The following GRK3 variants were observed in gnomAD, a reference collection of about 807,000 sequenced individuals.
GRK3 encodes G protein-coupled receptor kinase 3.
A neutral mutation model predicts 95.7 loss-of-function variants in GRK3; 54 were observed. The ratio of observed to expected loss-of-function variants is 0.56; its 90% CI spans 0.45 to 0.71. GRK3 has a LOEUF of 0.71. GRK3 is among the 30% of genes least tolerant of loss of function. The pLI is 0.00. For missense variants in GRK3, 649 were observed against 851.2 expected (o/e 0.76, Z 2.96); for synonymous variants, 281 against 290.8 (o/e 0.97, Z 0.34).
At position 25,585,842 on chromosome 22, in the gene GRK3, T is replaced by C. The variant is rs1381984186; in HGVS notation, c.114-18535T>C. Among the ~76,000 whole-genome samples, 3 of 152,260 alleles carry C rather than the reference T, an allele frequency of 2.0e-5. No homozygotes were observed. The East Asian group carries it at 5.8e-4, about 29-fold the overall frequency. ...TCAAGGGTGTAGAATCTGAAAAAAG[T>C]TAAGGTTAAATAGGAATATCATTTC... On this transcript the variant is annotated intron_variant, in intron 1 of 20. Transcript: ENST00000324198.
intron 13 of GRK3, among the ~76,000 whole-genome samples, chr22:25,700,568 A>G (rs1477737030): frequency 6.6e-6 from 1 of 152,172 alleles, no homozygotes; most frequent in African/African-American, 2.4e-5. Flanking sequence ...CATTTAATAT[A>G]ACATGCCATC....
intron 1 of GRK3, among the ~76,000 whole-genome samples, chr22:25,592,216 C>T (rs570678949): frequency 3.9e-5 from 6 of 152,294 alleles, no homozygotes; most frequent in South Asian, 2.1e-4. Context: ...GATTTTAATT[C>T]GCCTTTTCCT....
intron 2 of GRK3, among the ~76,000 whole-genome samples, chr22:25,613,747 G>C (rs891514831): frequency 1.3e-5 from 2 of 152,226 alleles, no homozygotes; most frequent in African/African-American, 4.8e-5. Context: ...CTGGGCATCA[G>C]CTCCTGGTGC....
At chr22:25,583,926 A>C (rs1276727672) in intron 1 of GRK3, among the ~76,000 whole-genome samples, 1 of 152,244 alleles carries the variant, frequency 6.6e-6, no homozygotes, top group Non-Finnish European at 1.5e-5. Flanking sequence ...CAGATTTGGC[A>C]CTATAGCTTT....
chr22:25,710,444 AT>A (rs2085335317), intron 16 of GRK3, among the ~76,000 whole-genome samples: 1 of 152,222 alleles, frequency 6.6e-6, no homozygotes, highest in Non-Finnish European at 1.5e-5. Context: ...ATGATTTTAT[AT>A]CAGCATGATT....
At chr22:25,668,026 A>C (rs2084953962) in intron 6 of GRK3, among the ~76,000 whole-genome samples, 1 of 152,210 alleles carries the variant, frequency 6.6e-6, no homozygotes, top group African/African-American at 2.4e-5. Context: ...TCTCAGCTTC[A>C]ATAGAGTCTA....
At chr22:25,647,894 T>A in intron 3 of GRK3, 2 of 597,946 alleles carry the variant, frequency 3.3e-6, no homozygotes, top group East Asian at 3.4e-5. Context: ...GCGGATCACC[T>A]GAGGTCAGGA....
At chr22:25,682,164 G>T (rs1184789678) in intron 9 of GRK3, among the ~76,000 whole-genome samples, 1 of 152,204 alleles carries the variant, frequency 6.6e-6, no homozygotes, top group Non-Finnish European at 1.5e-5. Context: ...ATTTGGTAAT[G>T]ACTAGACAGT....
At chr22:25,719,189 G>A (rs989034360) in intron 19 of GRK3, among the ~76,000 whole-genome samples, 1 of 149,414 alleles carries the variant, frequency 6.7e-6, no homozygotes, top group Non-Finnish European at 1.5e-5. Context: ...CTGAGGTCAA[G>A]TGCTGTTAAA....
chr22:25,646,452 A>G (rs1157833839), intron 3 of GRK3, among the ~76,000 whole-genome samples: 1 of 152,188 alleles, frequency 6.6e-6, no homozygotes, highest in Non-Finnish European at 1.5e-5. Context: ...AAGGGAGAGA[A>G]TAGGGCAAAA....
At position 25,564,923 on chromosome 22, in the gene GRK3, A is replaced by AG. The variant is rs529474941; in HGVS notation, c.-110dup. ...GCGCGCGCGGGGCGGGGGCGCGCGGAGGGGGGGGCTGCCCCGGGGCGGCCC... is the reference window on the plus strand; with the variant it reads ...GCGCGCGCGGGGCGGGGGCGCGCGGAGGGGGGGGGCTGCCCCGGGGCGGCCC... On this transcript the variant is annotated 5_prime_UTR_variant, in exon 1 of 21. Coordinates refer to ENST00000324198, the MANE Select transcript of GRK3 (RefSeq NM_005160.4). 1.7e-3 allele frequency: 240 copies of AG among 139,490 alleles called. 1 individual carries two copies. The highest frequency in any genetic ancestry group is 0.011 in the Middle Eastern group (3 of 262). 8.6% of individuals were successfully genotyped at this position (139,490 alleles called of 1,614,324 possible).
Position 25,703,683 on chromosome 22 carries a change from TTATG to T in GRK3, c.1227+111_1227+114del, listed in dbSNP as rs1266474688. On this transcript the variant is annotated intron_variant, in intron 14 of 20. Coordinates refer to ENST00000324198, the MANE Select transcript of GRK3 (RefSeq NM_005160.4). ...ATAAAATGTTATAGGAAATATAAAATTATGTATAGACATAATAAAAATTTGCTTT... is the reference window on the plus strand; with the variant it reads ...ATAAAATGTTATAGGAAATATAAAATTATAGACATAATAAAAATTTGCTTT... 3.6e-6 allele frequency: 3 copies of T among 830,988 alleles called. No individual in the cohort carries two copies. In the African/African-American group the frequency reaches 5.2e-5, roughly 14 times the overall value. The allele number at this position is 830,988 out of a possible 1,614,324, so 51.5% of individuals were successfully genotyped here.
At chr22:25,599,126 A>C (rs2084391403) in intron 1 of GRK3, among the ~76,000 whole-genome samples, 1 of 152,232 alleles carries the variant, frequency 6.6e-6, no homozygotes, top group African/African-American at 2.4e-5. Flanking sequence ...CTTCTGGAAG[A>C]AAGCATAAGA....
At chr22:25,569,391 C>T (rs74435389) in intron 1 of GRK3, among the ~76,000 whole-genome samples, 471 of 150,744 alleles carry the variant, frequency 3.1e-3, no homozygotes, top group African/African-American at 0.011. Flanking sequence ...ATGGATGTTC[C>T]GGTGAAATCA....
At chr22:25,681,350 G>T (rs1288094353) in intron 9 of GRK3, among the ~76,000 whole-genome samples, 1 of 152,190 alleles carries the variant, frequency 6.6e-6, no homozygotes, top group Non-Finnish European at 1.5e-5. Context: ...GGCACACAGT[G>T]CTCGGAAGGC....
At chr22:25,631,171 A>G (rs904997552) in intron 2 of GRK3, among the ~76,000 whole-genome samples, 1 of 152,206 alleles carries the variant, frequency 6.6e-6, no homozygotes, top group Non-Finnish European at 1.5e-5. Context: ...CAGGTTTTAT[A>G]GCTATATGCT....
chr22:25,592,181 T>C (rs977129689), intron 1 of GRK3, among the ~76,000 whole-genome samples: 3 of 152,236 alleles, frequency 2.0e-5, no homozygotes, highest in African/African-American at 4.8e-5. Flanking sequence ...GCCACTCTAA[T>C]AGGTATGTAG....
rs1338688970 is a variant in GRK3, at chr22:25,661,671, T to A, written c.360T>A (p.Cys120Ter). The A allele has an allele frequency of 6.3e-7, 1 of 1,598,926 alleles. No individual in the cohort carries two copies. Among genetic ancestry groups the A allele is most frequent in the Non-Finnish European group, 8.6e-7 (1 of 1,167,312 alleles). ...DAYIMKELLS[C>*]SHPFSKQAVE... Reference sequence around the variant, plus strand: ...ACATCATGAAGGAACTTCTTTCCTGTTCACATGTAAGTATTTCTTCTTACT... The same window carrying A: ...ACATCATGAAGGAACTTCTTTCCTGATCACATGTAAGTATTTCTTCTTACT... Residue 120 changes from cysteine (C) to a stop codon, truncating the protein, a stop_gained, in exon 4 of 21, where the codon TGT becomes TGA. Transcript: ENST00000324198. LOFTEE classifies it high-confidence loss of function.
chr22:25,683,354 G>A (rs1213974478), intron 9 of GRK3, among the ~76,000 whole-genome samples: 2 of 152,162 alleles, frequency 1.3e-5, no homozygotes, highest in African/African-American at 2.4e-5. Context: ...GTATCTTGGT[G>A]CACATAAGTA....
Sources: gnomAD v4.1 joint callset for allele counts (sites outside exome capture counted in the v4.1 genomes callset) on GRCh38, gnomAD v4.1.1 for gene constraint, MANE v1.5 for transcripts, NCBI Gene and HGNC (gene_info 2026-07-23, HGNC 2026-07-21) for gene names.